The following CELSR1 variants were observed in gnomAD, a reference collection of about 807,000 sequenced individuals.
CELSR1 encodes the protein adhesion G protein-coupled receptor C1.
CELSR1 carries 110 observed loss-of-function variants against 249.1 expected under a neutral mutation model. That is an observed-to-expected ratio of 0.44 (90% CI 0.38 to 0.52). The LOEUF (loss-of-function observed/expected upper bound fraction) is 0.52, where lower values mean the gene tolerates loss of function less well. Among genes scored for constraint, CELSR1 ranks in the 20% least tolerant of loss-of-function variants. The pLI, the probability that CELSR1 is intolerant of heterozygous loss-of-function variation, is 0.00. For missense variants in CELSR1, 4,109 were observed against 4,296.4 expected, an observed-to-expected ratio of 0.96 and a Z score of 1.22; for synonymous variants, 2,113 against 1,900.0, an observed-to-expected ratio of 1.11 and a Z score of -2.92.
At chr22:46,501,247 C>T (rs2080463859) in intron 1 of CELSR1, among the ~76,000 whole-genome samples, 1 of 143,962 alleles carries the variant, frequency 6.9e-6, no homozygotes, top group South Asian at 2.1e-4. Context: ...CGCTCTGTTG[C>T]CCTGGCTGGA....
At chr22:46,462,939 GA>G (rs976491468) in intron 2 of CELSR1, 3 of 465,624 alleles carry the variant, frequency 6.4e-6, no homozygotes, top group Non-Finnish European at 1.3e-5. Flanking sequence ...AGGGAGGCAT[GA>G]AAAAACAGGA....
rs1485583851 is a variant in CELSR1 at position 46,393,754 on chromosome 22, A to AC, written c.5964+387_5964+388insG. Among the ~76,000 whole-genome samples, 1 of 150,970 alleles carries AC rather than the reference A, an allele frequency of 6.6e-6. No homozygotes were observed. The highest frequency in any genetic ancestry group is 1.5e-5 in the Non-Finnish European group (1 of 67,780). On this transcript the variant is annotated intron_variant, in intron 14 of 34. Transcript: ENST00000674500. The surrounding 1 kb of genome is among the most constrained non-coding windows in gnomAD (Gnocchi z 4.1). ...CTCTGTCTCAAAAAAAAAAAAAAAA[A>AC]GACCAGGAAAATGGCCAACCAGGAG...
At chr22:46,516,854 C>A (rs1023476264) in intron 1 of CELSR1, among the ~76,000 whole-genome samples, 1 of 152,214 alleles carries the variant, frequency 6.6e-6, no homozygotes, top group Non-Finnish European at 1.5e-5. Context: ...GGAAGGCAGG[C>A]GGCCGAGGGC....
rs1349846486 is a variant in CELSR1 at position 46,454,881 on chromosome 22, G to A, written c.4183+8826C>T. The stretch of plus-strand genomic sequence containing the variant: ...CTGAATTGTGTCCCCAGAAAGATAC[G>A]CTCAGTTACGAACTCCCAGTACCCT... On this transcript the variant is annotated intron_variant, in intron 2 of 34. Coordinates refer to ENST00000674500, the MANE Select transcript of CELSR1 (RefSeq NM_001378328.1). The surrounding 1 kb of genome is among the most constrained non-coding windows in gnomAD (Gnocchi z 5.1). Among the ~76,000 whole-genome samples the A allele has an allele frequency of 2.6e-5, 4 of 152,224 alleles. No homozygotes were observed. Among genetic ancestry groups the A allele is most frequent in the South Asian group, 4.1e-4 (2 of 4,832 alleles).
At chr22:46,435,276 AAAATT>A (rs1268924839) in intron 4 of CELSR1, among the ~76,000 whole-genome samples, 85 of 145,012 alleles carry the variant, frequency 5.9e-4, no homozygotes, top group African/African-American at 2.2e-3. Flanking sequence ...AAAAAAAAAA[AAAATT>A]TTTTTTTTTT....
At position 46,472,362 on chromosome 22, in the gene CELSR1, G is replaced by C. The variant is rs2080164456; in HGVS notation, c.3545-8017C>G. On this transcript the variant is annotated intron_variant, in intron 1 of 34. Coordinates refer to ENST00000674500, the MANE Select transcript of CELSR1 (RefSeq NM_001378328.1). The surrounding 1 kb of genome is among the most constrained non-coding windows in gnomAD (Gnocchi z 7.0). ...GTGGGCTCATGCTGTGGGGCAGTGG[G>C]GGCAGAGGTCACATCATGGCCCTCA... is the stretch of plus-strand genomic sequence containing the variant. 6.6e-6 allele frequency among the ~76,000 whole-genome samples: 1 copy of C among 152,196 alleles called. No individual in the cohort carries two copies.
rs1024140855 is a variant in CELSR1, at chr22:46,445,363, G to A, written c.4184-5952C>T. ...ATAAAAATTAGCCGGGTATGGTGGCGCATGCCTGTAGTCCCAGCTACTAGG... is the reference window on the plus strand; with the variant it reads ...ATAAAAATTAGCCGGGTATGGTGGCACATGCCTGTAGTCCCAGCTACTAGG... On this transcript the variant is annotated intron_variant, in intron 2 of 34. Coordinates refer to ENST00000674500, the MANE Select transcript of CELSR1 (RefSeq NM_001378328.1). The surrounding 1 kb of genome is among the most constrained non-coding windows in gnomAD (Gnocchi z 4.4). 6.0e-5 allele frequency among the ~76,000 whole-genome samples: 9 copies of A among 150,984 alleles called. No homozygotes were observed. Among genetic ancestry groups the A allele is most frequent in the Non-Finnish European group, 8.9e-5 (6 of 67,746 alleles).
At chr22:46,460,064 C>T (rs779609072) in intron 2 of CELSR1, among the ~76,000 whole-genome samples, 5 of 152,218 alleles carry the variant, frequency 3.3e-5, no homozygotes, top group African/African-American at 1.2e-4. Flanking sequence ...AAAAATTAGC[C>T]GGGCGTGGTG....
chr22:46,369,925 A>G, intron 25 of CELSR1, 121 bp from the exon 26 acceptor site: 2 of 836,474 alleles, frequency 2.4e-6, no homozygotes, highest in Non-Finnish European at 4.0e-6. Flanking sequence ...CAGAGGAAGG[A>G]GCAAGGAGTC....
intron 1 of CELSR1, among the ~76,000 whole-genome samples, chr22:46,487,569 T>C (rs865975949): frequency 2.0e-3 from 8 of 4,084 alleles, no homozygotes; most frequent in Admixed American, 6.5e-3. Context: ...AGGTGGGGGG[T>C]GAGGGGGAGG....
At chr22:46,493,957 G>A (rs1292889761) in intron 1 of CELSR1, among the ~76,000 whole-genome samples, 1 of 152,082 alleles carries the variant, frequency 6.6e-6, no homozygotes. Flanking sequence ...ACTTCTCCGA[G>A]TAAGATGAGA....
Position 46,391,533 on chromosome 22 carries a change from G to A in CELSR1, c.6148+100C>T, listed in dbSNP as rs991025119. On this transcript the variant is annotated intron_variant, in intron 15 of 34. Coordinates refer to ENST00000674500, the MANE Select transcript of CELSR1 (RefSeq NM_001378328.1). The surrounding 1 kb of genome is among the most constrained non-coding windows in gnomAD (Gnocchi z 4.3). ...AGAACTCAGAACACGAGGGAGCCCA[G>A]GGTCCCCCAAACACCCAGCGTGCAT... The A allele has an allele frequency of 1.5e-6, 2 of 1,341,310 alleles. No individual in the cohort carries two copies. The highest frequency in any genetic ancestry group is 1.5e-5 in the African/African-American group (1 of 68,530). The allele number at this position is 1,341,310 out of a possible 1,614,324, so 83.1% of individuals were successfully genotyped here.
At chr22:46,444,383 G>A (rs1191474095) in intron 2 of CELSR1, among the ~76,000 whole-genome samples, 1 of 152,196 alleles carries the variant, frequency 6.6e-6, no homozygotes, top group East Asian at 1.9e-4. Flanking sequence ...CCCGTGAAAG[G>A]GAGGCTGACC....
intron 2 of CELSR1, among the ~76,000 whole-genome samples, chr22:46,453,676 C>T (rs112553086): frequency 1.3e-5 from 2 of 152,196 alleles, no homozygotes; most frequent in Non-Finnish European, 2.9e-5. Flanking sequence ...GCAGAGAACA[C>T]TCGCCCCCGA....
In CELSR1 at chr22:46,481,722, C is replaced by T. The variant is rs116910726; in HGVS notation, c.3545-17377G>A. On this transcript the variant is annotated intron_variant, in intron 1 of 34. Coordinates refer to ENST00000674500, the MANE Select transcript of CELSR1 (RefSeq NM_001378328.1). ...TGGAGTCCACCACCTCCTGCACCCG[C>T]AGCTGCTGCAGCTCCCCAGTGGCAA... The T allele has an allele frequency of 5.6e-3, 2,943 of 526,086 alleles. 15 individuals are homozygous for T. Among genetic ancestry groups the T allele is most frequent in the Non-Finnish European group, 7.3e-3 (2,126 of 289,482 alleles). The allele number at this position is 526,086 out of a possible 1,614,324, so 32.6% of individuals were successfully genotyped here.
chr22:46,498,613 A>G (rs1314169638), intron 1 of CELSR1, among the ~76,000 whole-genome samples: 3 of 110,998 alleles, frequency 2.7e-5, no homozygotes, highest in African/African-American at 6.1e-5. Context: ...CTCTGTCTCA[A>G]AAAAAAAAAA....
Position 46,413,019 on chromosome 22 carries a change from C to G in CELSR1, c.4612-1260G>C, listed in dbSNP as rs370787092. 6.6e-6 allele frequency among the ~76,000 whole-genome samples: 1 copy of G among 152,170 alleles called. No individual in the cohort carries two copies. Among genetic ancestry groups the G allele is most frequent in the Non-Finnish European group, 1.5e-5 (1 of 68,036 alleles). On this transcript the variant is annotated intron_variant, in intron 5 of 34. Transcript: ENST00000674500. This position sits in a 1 kb window ranked among gnomAD's most constrained non-coding sequence, Gnocchi z 4.7. ...TCCCAGCAGGGTCCCTCCCACCACC[C>G]CTATAAAGGATGGGTTCGATGCCTC... is the stretch of plus-strand genomic sequence containing the variant.
rs984555073 is a variant in CELSR1, at chr22:46,423,504, C to T, written c.4611+9889G>A. ...CCTGTAATCCCACCTACTCGGGAGG[C>T]TGAGGCAGGAGAATTGCTTGAACCT... On this transcript the variant is annotated intron_variant, in intron 5 of 34. Transcript: ENST00000674500. The surrounding 1 kb of genome is among the most constrained non-coding windows in gnomAD (Gnocchi z 5.6). Among the ~76,000 whole-genome samples the T allele has an allele frequency of 9.3e-5, 14 of 150,522 alleles. No homozygotes were observed. The highest frequency in any genetic ancestry group is 1.8e-4 in the Non-Finnish European group (12 of 67,850).
rs1189245595 is a variant in CELSR1, at chr22:46,434,855, G to T, written c.4522+1319C>A. Among the ~76,000 whole-genome samples the T allele has an allele frequency of 6.6e-6, 1 of 151,950 alleles. No individual in the cohort carries two copies. The highest frequency in any genetic ancestry group is 1.5e-5 in the Non-Finnish European group (1 of 67,996). Reference sequence around the variant, plus strand: ...CTACTAAAAATACAAAAATTAGCCGGGCATGGTGAAACGTGCCTGTATTCC... The same window carrying T: ...CTACTAAAAATACAAAAATTAGCCGTGCATGGTGAAACGTGCCTGTATTCC... On this transcript the variant is annotated intron_variant, in intron 4 of 34. Transcript: ENST00000674500. This position sits in a 1 kb window ranked among gnomAD's most constrained non-coding sequence, Gnocchi z 4.9.
Sources: gnomAD v4.1 joint callset for allele counts (sites outside exome capture counted in the v4.1 genomes callset) on GRCh38, gnomAD v4.1.1 for gene constraint, Gnocchi (gnomAD v3.1) non-coding constraint, MANE v1.5 for transcripts, NCBI Gene and HGNC (gene_info 2026-07-23, HGNC 2026-07-21) for gene names.